Variants in MYO1A observed in about 807,000 individuals in gnomAD.
MYO1A encodes the protein unconventional myosin-Ia.
A neutral mutation model predicts 138.5 loss-of-function variants in MYO1A; 127 were observed. The observed-to-expected ratio is 0.92, with a 90% confidence interval of 0.79 to 1.06. MYO1A has a LOEUF of 1.06. MYO1A is among the 50% of genes least tolerant of loss of function. MYO1A has a pLI of 0.00. For synonymous variants in MYO1A, 477 were observed against 497.5 expected, an observed-to-expected ratio of 0.96 and a Z score of 0.55; for missense variants, 1,211 against 1,288.8, an observed-to-expected ratio of 0.94 and a Z score of 0.92.
chr12:57,044,075 G>C, intron 9 of MYO1A, 31 bp downstream of exon 9: 1 of 1,614,100 alleles, frequency 6.2e-7, no homozygotes. Flanking sequence ...ATGACCTAAG[G>C]GCCCAAGCCT....
intron 14 of MYO1A, 53 bp downstream of exon 14, chr12:57,041,131 G>T: frequency 7.4e-7 from 1 of 1,342,356 alleles, no homozygotes; most frequent in Non-Finnish European, 1.1e-6. Flanking sequence ...AGGAAGCTCT[G>T]GCATATGCCT....
chr12:57,041,402 G>C (rs772210690), intron 13 of MYO1A, 30 bp downstream of exon 13: 108 of 1,605,334 alleles, frequency 6.7e-5, no homozygotes, highest in Non-Finnish European at 8.4e-5. Flanking sequence ...AATCCTAGGG[G>C]AGCAGGGTGC....
chr12:57,039,379 C>G (rs1275062337), intron 14 of MYO1A, 105 bp from the exon 15 acceptor site: 2 of 861,724 alleles, frequency 2.3e-6, no homozygotes, highest in Admixed American at 3.5e-5. Context: ...CATCAGAAAG[C>G]CCCATAGTTC....
chr12:57,038,872 G>A lies in MYO1A; in HGVS notation c.1470C>T (p.Ala490=), dbSNP rs772811622. ...CCATGGTGTGGTCATACTGACGCTG[G>A]GCATTCTGGGTGACTTTGCTCTCGT... ...GHYESKVTQN[A]QRQYDHTMGL... Residue 490 remains alanine, a synonymous_variant, in exon 16 of 28, where the codon GCC becomes GCT. Transcript: ENST00000300119. 2 of 1,614,058 alleles carry A rather than the reference G, an allele frequency of 1.2e-6. No individual in the cohort carries two copies. Among genetic ancestry groups the A allele is most frequent in the African/African-American group, 1.3e-5 (1 of 74,924 alleles).
upstream of MYO1A, among the ~76,000 whole-genome samples, chr12:57,050,513 C>T (rs528614567): frequency 8.1e-4 from 123 of 152,254 alleles, no homozygotes; most frequent in African/African-American, 2.9e-3. Flanking sequence ...TGGCGAGACA[C>T]GTCTTTACAA....
chr12:57,028,896 G>A lies in MYO1A; in HGVS notation c.3006-15C>T, dbSNP rs760324417. The A allele has an allele frequency of 6.2e-7, 1 of 1,613,792 alleles. No homozygotes were observed. The highest frequency in any genetic ancestry group is 8.5e-7 in the Non-Finnish European group (1 of 1,179,864). On this transcript the variant is annotated splice_polypyrimidine_tract_variant and intron_variant, in intron 27 of 27. Coordinates refer to ENST00000300119, the MANE Select transcript of MYO1A (RefSeq NM_005379.4). ...TCACTGAGAACCTGGAGAGGGAACA[G>A]AAAACCAAGTCTAGTGCCCATCCCC...
At chr12:57,036,889 C>T (rs779990996) in intron 20 of MYO1A, 49 bp from the exon 21 acceptor site, 5 of 1,614,134 alleles carry the variant, frequency 3.1e-6, no homozygotes, top group Non-Finnish European at 4.2e-6. Context: ...CCTGAGCCAC[C>T]TTCCATCTTC....
intron 14 of MYO1A, chr12:57,039,536 T>C (rs2030763716): frequency 2.0e-6 from 1 of 495,654 alleles, no homozygotes; most frequent in African/African-American, 1.9e-5. Flanking sequence ...GTAGGTGGTG[T>C]AGGGTGGAGA....
rs750797455 is a variant in MYO1A at position 57,043,370 on chromosome 12, A to C, written c.893-12T>G. 1 of 1,610,726 alleles carries C rather than the reference A, an allele frequency of 6.2e-7. No homozygotes were observed. The highest frequency in any genetic ancestry group is 8.5e-7 in the Non-Finnish European group (1 of 1,176,882). ...AATCTCCCGAACACCTGGGATAATG[A>C]GAAAGTACAGCATGTCCTTAGAGGC... On this transcript the variant is annotated splice_polypyrimidine_tract_variant and intron_variant, in intron 10 of 27. Coordinates refer to ENST00000300119, the MANE Select transcript of MYO1A (RefSeq NM_005379.4).
At chr12:57,032,992 GACAC>G (rs1013842382) in intron 22 of MYO1A, among the ~76,000 whole-genome samples, 1 of 152,018 alleles carries the variant, frequency 6.6e-6, no homozygotes, top group African/African-American at 2.4e-5. Context: ...TGTGTGCTCT[GACAC>G]ACACACATAT....
chr12:57,051,005 T>C (rs1173975947), upstream of MYO1A: 1 of 152,242 alleles, frequency 6.6e-6, no homozygotes, highest in Non-Finnish European at 1.5e-5. Flanking sequence ...CCTGAGCTAA[T>C]GTAATAGCTC....
intron 22 of MYO1A, 29 bp from the exon 23 acceptor site, chr12:57,031,203 G>A (rs1197923491): frequency 1.9e-6 from 3 of 1,613,930 alleles, no homozygotes; most frequent in Non-Finnish European, 2.5e-6. Context: ...GATTGGGAGT[G>A]GAGTGATAAG....
At chr12:57,045,209 C>A (rs2031043785) in intron 8 of MYO1A, among the ~76,000 whole-genome samples, 1 of 152,110 alleles carries the variant, frequency 6.6e-6, no homozygotes, top group Non-Finnish European at 1.5e-5. Flanking sequence ...AGGAAATTTT[C>A]TCTTTTTAAT....
At chr12:57,049,439 G>A (rs1250266596) in intron 1 of MYO1A, among the ~76,000 whole-genome samples, 1 of 152,218 alleles carries the variant, frequency 6.6e-6, no homozygotes, top group Non-Finnish European at 1.5e-5. Context: ...GGCAAGAAGG[G>A]GCACAGGCTT....
At chr12:57,044,252 C>G in intron 8 of MYO1A, 43 bp from the exon 9 acceptor site, 2 of 1,500,700 alleles carry the variant, frequency 1.3e-6, no homozygotes, top group South Asian at 1.1e-5. Flanking sequence ...TACCCAGGCT[C>G]TCTGGAGCCC....
chr12:57,030,964 G>A (rs937600919), intron 23 of MYO1A, 76 bp downstream of exon 23: 6 of 1,563,736 alleles, frequency 3.8e-6, no homozygotes, highest in Non-Finnish European at 5.2e-6. Context: ...AAATAGAAGA[G>A]GGAGGCAAAA....
intron 7 of MYO1A, 45 bp downstream of exon 7, chr12:57,046,818 G>A: frequency 6.3e-7 from 1 of 1,595,586 alleles, no homozygotes; most frequent in Non-Finnish European, 8.6e-7. Context: ...AAGGGCCATG[G>A]GAGGCAGGTG....
At chr12:57,046,488 A>G in intron 8 of MYO1A, 64 bp downstream of exon 8, 1 of 1,272,772 alleles carries the variant, frequency 7.9e-7, no homozygotes, top group Non-Finnish European at 1.1e-6. Context: ...TCTGGGACTG[A>G]ATGGAGGTTG....
At chr12:57,033,009 G>A (rs1397901893) in intron 22 of MYO1A, among the ~76,000 whole-genome samples, 2 of 152,106 alleles carry the variant, frequency 1.3e-5, no homozygotes, top group African/African-American at 4.8e-5. Flanking sequence ...ACACATATGT[G>A]TGCATATAAA....
Sources: allele counts gnomAD v4.1 joint callset (sites outside exome capture counted in the v4.1 genomes callset), GRCh38; gene constraint gnomAD v4.1.1; transcripts MANE v1.5; gene names NCBI Gene and HGNC (gene_info 2026-07-23, HGNC 2026-07-21).